The following RNASEH1 variants were observed in gnomAD, a reference collection of about 807,000 sequenced individuals.
RNASEH1 encodes ribonuclease H type II.
A neutral mutation model predicts 34.6 loss-of-function variants in RNASEH1; 27 were observed. The ratio of observed to expected loss-of-function variants is 0.78; its 90% CI spans 0.58 to 1.08. The LOEUF (loss-of-function observed/expected upper bound fraction) is 1.08, where lower values mean the gene tolerates loss of function less well. Among genes scored for constraint, RNASEH1 ranks in the 50% least tolerant of loss-of-function variants. The probability of loss-of-function intolerance (pLI) is 0.00; values close to 1 mark genes in which losing one functional copy is unlikely to be tolerated. For missense variants in RNASEH1, 349 were observed against 373.6 expected (o/e 0.93, Z 0.54); for synonymous variants, 162 against 138.4 (o/e 1.17, Z -1.20).
rs138331152 is a variant in RNASEH1, at chr2:3,554,273, G to C, written c.245-1965C>G. 3.0e-3 allele frequency among the ~76,000 whole-genome samples: 460 copies of C among 152,268 alleles called. 2 individuals are homozygous for C. The highest frequency in any genetic ancestry group is 0.011 in the African/African-American group (445 of 41,556). ...AAGTAAATGCAGATACTGTGGTCCA[G>C]GTTAAAGTGTCATTTTGTAGAACCT... On this transcript the variant is annotated intron_variant, in intron 2 of 7. Coordinates refer to ENST00000315212, the MANE Select transcript of RNASEH1 (RefSeq NM_002936.6).
At chr2:3,550,974 AGAGG>A (rs2147733084) in intron 3 of RNASEH1, among the ~76,000 whole-genome samples, 1 of 152,306 alleles carries the variant, frequency 6.6e-6, no homozygotes, top group South Asian at 2.1e-4. Flanking sequence ...CCCTCTAGAT[AGAGG>A]GTATGATTGA....
At chr2:3,537,217 A>G (rs1283397553), downstream of RNASEH1, among the ~76,000 whole-genome samples, 3 of 152,212 alleles carry the variant, frequency 2.0e-5, no homozygotes, top group Non-Finnish European at 4.4e-5. Flanking sequence ...GCCATGTCAC[A>G]GAGTTTCACA....
At chr2:3,536,515 C>G (rs1322500214), downstream of RNASEH1, among the ~76,000 whole-genome samples, 2 of 152,202 alleles carry the variant, frequency 1.3e-5, no homozygotes, top group East Asian at 3.9e-4. Flanking sequence ...GAAACCCACC[C>G]TGACTCCTGA....
chr2:3,540,117 C>T (rs147145068), downstream of RNASEH1, among the ~76,000 whole-genome samples: 9 of 152,142 alleles, frequency 5.9e-5, no homozygotes, highest in East Asian at 1.4e-3. Flanking sequence ...TTGTGCGGCA[C>T]GAACATCCTA....
Position 3,545,438 on chromosome 2 carries a change from C to T in RNASEH1, c.*347G>A. 4.1e-6 allele frequency: 1 copy of T among 246,598 alleles called. No homozygotes were observed. The highest frequency in any genetic ancestry group is 8.0e-6 in the Non-Finnish European group (1 of 125,684). The allele number at this position is 246,598 out of a possible 1,614,324, so 15.3% of individuals were successfully genotyped here. The stretch of plus-strand genomic sequence containing the variant: ...ATACTTCCAGACTTCTGAGTTGCAT[C>T]TTTTAACCAATGGTTTTTTGATTTC... On this transcript the variant is annotated 3_prime_UTR_variant, in exon 8 of 8. Coordinates refer to ENST00000315212, the MANE Select transcript of RNASEH1 (RefSeq NM_002936.6).
intron 2 of RNASEH1, 88 bp from the exon 3 acceptor site, chr2:3,552,396 T>C (rs1235465196): frequency 2.3e-6 from 3 of 1,321,714 alleles, no homozygotes; most frequent in African/African-American, 3.0e-5. Flanking sequence ...AATTATTTAG[T>C]ATCATTAAAT....
At chr2:3,541,338 A>G (rs1668291013), downstream of RNASEH1, among the ~76,000 whole-genome samples, 2 of 152,004 alleles carry the variant, frequency 1.3e-5, no homozygotes, top group African/African-American at 4.8e-5. Context: ...CCAAAAAAAA[A>G]AAAAGAAAAA....
rs1195015753 is a variant in RNASEH1, at chr2:3,558,285, A to G, written c.-25T>C. ...TCGCTCACTCCCGGCACCGGGAAGC[A>G]TTTCGACTCCCGGCCCAGCGTGGGC... On this transcript the variant is annotated 5_prime_UTR_variant, in exon 1 of 8. The change abolishes an upstream ATG in the 5' untranslated region. Transcript: ENST00000315212. 3 of 1,532,202 alleles carry G rather than the reference A, an allele frequency of 2.0e-6. No homozygotes were observed. Among genetic ancestry groups the G allele is most frequent in the East Asian group, 2.5e-5 (1 of 40,554 alleles). 94.9% of individuals were successfully genotyped at this position (1,532,202 alleles called of 1,614,324 possible).
the RNASEH1 span, among the ~76,000 whole-genome samples, chr2:3,535,126 G>A: frequency 1.3e-5 from 2 of 152,112 alleles, no homozygotes; most frequent in Non-Finnish European, 2.9e-5. Flanking sequence ...ACTTAAAAAC[G>A]GCTAAGATGG....
Position 3,558,296 on chromosome 2 carries a change from C to T in RNASEH1, c.-36G>A, listed in dbSNP as rs761158420. On this transcript the variant is annotated 5_prime_UTR_variant, in exon 1 of 8. Coordinates refer to ENST00000315212, the MANE Select transcript of RNASEH1 (RefSeq NM_002936.6). The stretch of plus-strand genomic sequence containing the variant: ...CGGCACCGGGAAGCATTTCGACTCC[C>T]GGCCCAGCGTGGGCGCGAGCCGCCG... 2 of 1,505,828 alleles carry T rather than the reference C, an allele frequency of 1.3e-6. No homozygotes were observed. The highest frequency in any genetic ancestry group is 1.3e-5 in the South Asian group (1 of 77,690). The allele number at this position is 1,505,828 out of a possible 1,614,324, so 93.3% of individuals were successfully genotyped here.
At chr2:3,547,374 C>G (rs1417033507) in intron 7 of RNASEH1, among the ~76,000 whole-genome samples, 1 of 152,104 alleles carries the variant, frequency 6.6e-6, no homozygotes, top group South Asian at 2.1e-4. Flanking sequence ...CAGAGTCTCC[C>G]CATGTTATCC....
chr2:3,551,147 G>A (rs537281219), intron 3 of RNASEH1, among the ~76,000 whole-genome samples: 1 of 152,240 alleles, frequency 6.6e-6, no homozygotes, highest in Non-Finnish European at 1.5e-5. Flanking sequence ...GTACGCGCAG[G>A]AAGTGGAAGT....
At chr2:3,555,559 T>C (rs1219479742) in intron 2 of RNASEH1, among the ~76,000 whole-genome samples, 3 of 152,188 alleles carry the variant, frequency 2.0e-5, no homozygotes, top group Non-Finnish European at 4.4e-5. Flanking sequence ...TTGTCCAGGA[T>C]TGTTACGATG....
chr2:3,552,014 T>C, intron 3 of RNASEH1, 130 bp downstream of exon 3: 2 of 707,716 alleles, frequency 2.8e-6, no homozygotes, highest in Non-Finnish European at 4.6e-6. Flanking sequence ...GATTTCTAAA[T>C]AATCTTTACA....
rs1208601219 is a variant in RNASEH1, at chr2:3,545,474, A to G, written c.*311T>C. On this transcript the variant is annotated 3_prime_UTR_variant, in exon 8 of 8. Transcript: ENST00000315212. Reference sequence around the variant, plus strand: ...TGGTTTTTTGATTTCTTATCAAAATATAAGCCACAGCATTTTAGGCCATTT... The same window carrying G: ...TGGTTTTTTGATTTCTTATCAAAATGTAAGCCACAGCATTTTAGGCCATTT... 9.5e-6 allele frequency: 3 copies of G among 314,476 alleles called. No individual in the cohort carries two copies. The highest frequency in any genetic ancestry group is 5.9e-6 in the Non-Finnish European group (1 of 169,602). 19.5% of individuals were successfully genotyped at this position (314,476 alleles called of 1,614,324 possible).
At position 3,545,852 on chromosome 2, in the gene RNASEH1, G is replaced by GA. The variant is rs1668700099; in HGVS notation, c.793dup (p.Ser265PhefsTer7). The GA allele has an allele frequency of 6.2e-7, 1 of 1,612,152 alleles. No homozygotes were observed. Reference sequence around the variant, plus strand: ...AGCTTCTTCATTGCCTATAAATCCCGAATGACCAGGAACATGCATCTGTTA... The same window carrying GA: ...AGCTTCTTCATTGCCTATAAATCCCGAAATGACCAGGAACATGCATCTGTTA... On this transcript the variant is annotated frameshift_variant, in exon 8 of 8. Transcript: ENST00000315212. LOFTEE classifies it high-confidence loss of function.
Position 3,548,059 on chromosome 2 carries a change from C to G in RNASEH1, c.650-4G>C. On this transcript the variant is annotated splice_region_variant and splice_polypyrimidine_tract_variant and intron_variant, in intron 6 of 7. Coordinates refer to ENST00000315212, the MANE Select transcript of RNASEH1 (RefSeq NM_002936.6). ...CCTTGAACCCAGTTAGTTATACCTA[C>G]AAAAATGCACGATCACTGGTGAGTC... The G allele has an allele frequency of 6.2e-7, 1 of 1,614,008 alleles. No homozygotes were observed. The highest frequency in any genetic ancestry group is 8.5e-7 in the Non-Finnish European group (1 of 1,179,916).
At position 3,547,395 on chromosome 2, in the gene RNASEH1, C is replaced by T. The variant is rs149490950; in HGVS notation, c.774+536G>A. Among the ~76,000 whole-genome samples the T allele has an allele frequency of 2.5e-3, 381 of 151,794 alleles. 2 individuals carry two copies. Among genetic ancestry groups the T allele is most frequent in the African/African-American group, 8.6e-3 (357 of 41,408 alleles). Reference sequence around the variant, plus strand: ...CTCCCCATGTTATCCAGGCTGGTCTCGAACTTCTTGGCTTAAGTAGTCAGG... The same window carrying T: ...CTCCCCATGTTATCCAGGCTGGTCTTGAACTTCTTGGCTTAAGTAGTCAGG... On this transcript the variant is annotated intron_variant, in intron 7 of 7. Coordinates refer to ENST00000315212, the MANE Select transcript of RNASEH1 (RefSeq NM_002936.6).
chr2:3,547,480 TA>T (rs1558449544), intron 7 of RNASEH1, among the ~76,000 whole-genome samples: 6 of 150,718 alleles, frequency 4.0e-5, no homozygotes, highest in Admixed American at 2.6e-4. Flanking sequence ...CAGGCTCACA[TA>T]TTTTTTTTTT....
Sources: allele counts gnomAD v4.1 joint callset (sites outside exome capture counted in the v4.1 genomes callset), GRCh38; gene constraint gnomAD v4.1.1; transcripts MANE v1.5; gene names NCBI Gene and HGNC (gene_info 2026-07-23, HGNC 2026-07-21).